CNTN6: variants seen among roughly 807,000 people sequenced by gnomAD.
CNTN6 encodes contactin-6.
Under a neutral mutation model 122.8 loss-of-function variants are expected in CNTN6, and 137 were observed. The observed-to-expected ratio is 1.12, with a 90% confidence interval of 0.97 to 1.29. The LOEUF (loss-of-function observed/expected upper bound fraction) is 1.29, where lower values mean the gene tolerates loss of function less well. Among genes scored for constraint, CNTN6 ranks in the 50% most tolerant of loss-of-function variants. CNTN6 has a pLI of 0.00. For missense variants in CNTN6, 1,634 were observed against 1,223.4 expected, an observed-to-expected ratio of 1.34 and a Z score of -5.01; for synonymous variants, 570 against 426.0, an observed-to-expected ratio of 1.34 and a Z score of -4.16.
At chr3:1,237,982 C>G (rs1234409352) in intron 4 of CNTN6, among the ~76,000 whole-genome samples, 1 of 150,808 alleles carries the variant, frequency 6.6e-6, no homozygotes, top group Non-Finnish European at 1.5e-5. Flanking sequence ...ATAACAATAA[C>G]ACAATGTTTA....
intron 1 of CNTN6, among the ~76,000 whole-genome samples, chr3:1,096,237 CT>C (rs2090518024): frequency 6.6e-6 from 1 of 151,692 alleles, no homozygotes; most frequent in South Asian, 2.1e-4. Flanking sequence ...TGATAAATGC[CT>C]ACATGATTCT....
intron 12 of CNTN6, 24 bp downstream of exon 12, chr3:1,352,475 C>A (rs62230966): frequency 0.053 from 85,415 of 1,606,884 alleles, 2,637 homozygotes; most frequent in Non-Finnish European, 0.06. Context: ...TTCATTTGTG[C>A]TTGATGAACA....
intron 20 of CNTN6, among the ~76,000 whole-genome samples, chr3:1,388,379 C>T (rs962209959): frequency 2.7e-5 from 4 of 149,618 alleles, no homozygotes; most frequent in African/African-American, 9.8e-5. Context: ...AACTAACAAA[C>T]AGAAAGGACA....
At chr3:1,321,420 A>G (rs1188325945) in intron 7 of CNTN6, among the ~76,000 whole-genome samples, 3 of 151,678 alleles carry the variant, frequency 2.0e-5, no homozygotes, top group Admixed American at 6.6e-5. Context: ...ATTCACCACT[A>G]TTTTCCCTGA....
At chr3:1,266,167 G>A (rs1231079918) in intron 4 of CNTN6, among the ~76,000 whole-genome samples, 5 of 152,010 alleles carry the variant, frequency 3.3e-5, no homozygotes, top group African/African-American at 9.7e-5. Flanking sequence ...TTGGAAAAAA[G>A]TGAGATTTTA....
chr3:1,375,501 G>C (rs1003621679), intron 16 of CNTN6, among the ~76,000 whole-genome samples: 1 of 152,008 alleles, frequency 6.6e-6, no homozygotes, highest in Non-Finnish European at 1.5e-5. Flanking sequence ...AATAGGGAAA[G>C]GAATTTTCTA....
intron 1 of CNTN6, among the ~76,000 whole-genome samples, chr3:1,131,603 G>T (rs1267928351): frequency 6.6e-6 from 1 of 152,118 alleles, no homozygotes; most frequent in Admixed American, 6.6e-5. Flanking sequence ...TCTCTGTGTG[G>T]CAAGGAAGAC....
intron 11 of CNTN6, among the ~76,000 whole-genome samples, chr3:1,341,778 C>A (rs1379939499): frequency 6.6e-6 from 1 of 152,066 alleles, no homozygotes; most frequent in African/African-American, 2.4e-5. Flanking sequence ...GACAGTTGAA[C>A]CAAAGACTTA....
At chr3:1,399,967 C>T (rs926297355) in intron 20 of CNTN6, among the ~76,000 whole-genome samples, 1 of 151,976 alleles carries the variant, frequency 6.6e-6, no homozygotes, top group African/African-American at 2.4e-5. Flanking sequence ...ATTGAGTGAA[C>T]AATAGTGATA....
At chr3:1,349,310 A>G (rs543993598) in intron 11 of CNTN6, among the ~76,000 whole-genome samples, 1 of 151,852 alleles carries the variant, frequency 6.6e-6, no homozygotes, top group African/African-American at 2.4e-5. Context: ...TGTACTAATC[A>G]TTCATGCAAA....
At chr3:1,200,639 G>A (rs2093849919) in intron 2 of CNTN6, among the ~76,000 whole-genome samples, 1 of 152,224 alleles carries the variant, frequency 6.6e-6, no homozygotes, top group East Asian at 1.9e-4. Context: ...AGCATGACAT[G>A]CATATGTGTA....
chr3:1,205,005 T>G (rs1217934857), intron 2 of CNTN6, among the ~76,000 whole-genome samples: 2 of 152,116 alleles, frequency 1.3e-5, no homozygotes, highest in African/African-American at 4.8e-5. Context: ...TATTTTGGAT[T>G]AGCTGGGGAG....
At chr3:1,364,774 T>C (rs941759496) in intron 12 of CNTN6, among the ~76,000 whole-genome samples, 7 of 151,954 alleles carry the variant, frequency 4.6e-5, no homozygotes, top group Admixed American at 2.6e-4. Context: ...GGAAACATCA[T>C]TGGCTATTAT....
rs375120146 is a variant in CNTN6 at position 1,139,853 on chromosome 3, G to C, written c.-82-8074G>C. ...ACAGTTTGAACACTCAGCAGCGTAT[G>C]ACTGGTTGAAACATGGCTGCTGGGA... is the stretch of plus-strand genomic sequence containing the variant. On this transcript the variant is annotated intron_variant, in intron 1 of 22. Transcript: ENST00000446702. 3.9e-5 allele frequency among the ~76,000 whole-genome samples: 6 copies of C among 152,296 alleles called. No homozygotes were observed. In the East Asian group the frequency reaches 7.7e-4, roughly 20 times the overall value.
chr3:1,188,314 C>T (rs1156321363), intron 2 of CNTN6, among the ~76,000 whole-genome samples: 5 of 152,148 alleles, frequency 3.3e-5, no homozygotes, highest in African/African-American at 1.2e-4. Flanking sequence ...CAAGGCACCA[C>T]CTCTTATAAC....
chr3:1,385,542 T>A, intron 19 of CNTN6, 69 bp from the exon 20 acceptor site: 1 of 1,268,556 alleles, frequency 7.9e-7, no homozygotes, highest in Non-Finnish European at 1.1e-6. Flanking sequence ...TGGTTGATAG[T>A]TGTTGGTAAA....
At position 1,285,039 on chromosome 3, in the gene CNTN6, T is replaced by G. The variant is rs111509669; in HGVS notation, c.454+6531T>G. ...AAGAGTGACATGCTTTCTCTGACTT[T>G]CATTTGTAAAAATTTACTCTGGATA... On this transcript the variant is annotated intron_variant, in intron 5 of 22. Coordinates refer to ENST00000446702, the MANE Select transcript of CNTN6 (RefSeq NM_001289080.2). 3.3e-3 allele frequency among the ~76,000 whole-genome samples: 502 copies of G among 152,320 alleles called. 6 individuals are homozygous for G. The highest frequency in any genetic ancestry group is 0.011 in the African/African-American group (476 of 41,568).
In CNTN6 at chr3:1,372,863, G is replaced by A. The variant is rs368014929; in HGVS notation, c.1694G>A (p.Arg565Lys). Residue 565 changes from arginine (R) to lysine (K), a missense_variant, in exon 14 of 23, where the codon AGG (arginine) becomes AAG (lysine). Physicochemically the swap from Arg to Lys is conservative, Grantham distance 26. Coordinates refer to ENST00000446702, the MANE Select transcript of CNTN6 (RefSeq NM_001289080.2). Reference sequence around the variant, plus strand: ...GAATCTGTTGGGGATTTGATGATAAGGAATATTCAGTTACATCATTCAGGA... The same window carrying A: ...GAATCTGTTGGGGATTTGATGATAAAGAATATTCAGTTACATCATTCAGGA... Reference protein sequence around the residue: ...GGESVGDLMIRNIQLHHSGKY... With the variant: ...GGESVGDLMIKNIQLHHSGKY... 41 of 1,606,564 alleles carry A rather than the reference G, an allele frequency of 2.6e-5. No individual in the cohort carries two copies. Among genetic ancestry groups the A allele is most frequent in the Non-Finnish European group, 3.5e-5 (41 of 1,175,316 alleles).
chr3:1,298,480 A>G (rs1696659192), intron 7 of CNTN6: 1 of 152,392 alleles, frequency 6.6e-6, no homozygotes, highest in Non-Finnish European at 1.5e-5. Context: ...ATTAGAATTG[A>G]GCCCAACCTT....
Sources: gnomAD v4.1 joint callset for allele counts (sites outside exome capture counted in the v4.1 genomes callset) on GRCh38, gnomAD v4.1.1 for gene constraint, MANE v1.5 for transcripts, NCBI Gene and HGNC (gene_info 2026-07-23, HGNC 2026-07-21) for gene names.